Variants in SLC6A15 observed in about 807,000 individuals in gnomAD.
The protein encoded by SLC6A15 is sodium-dependent neutral amino acid transporter B(0)AT2.
SLC6A15 carries 33 observed loss-of-function variants against 68.5 expected under a neutral mutation model. That is an observed-to-expected ratio of 0.48 (90% CI 0.37 to 0.64). The LOEUF (loss-of-function observed/expected upper bound fraction) is 0.64, where lower values mean the gene tolerates loss of function less well. SLC6A15 is among the 30% of genes least tolerant of loss of function. The pLI, the probability that SLC6A15 is intolerant of heterozygous loss-of-function variation, is 0.00. For synonymous variants in SLC6A15, 347 were observed against 301.0 expected, an observed-to-expected ratio of 1.15 and a Z score of -1.58; for missense variants, 747 against 874.3, an observed-to-expected ratio of 0.85 and a Z score of 1.84.
At chr12:84,907,860 C>CA (rs1873240736) in intron 1 of SLC6A15, among the ~76,000 whole-genome samples, 1 of 152,114 alleles carries the variant, frequency 6.6e-6, no homozygotes, top group African/African-American at 2.4e-5. Flanking sequence ...TACTATTTAG[C>CA]AAAAACTACC....
intron 5 of SLC6A15, chr12:84,882,490 T>G: frequency 2.2e-6 from 2 of 922,772 alleles, no homozygotes; most frequent in Non-Finnish European, 2.6e-6. Flanking sequence ...ATTTACAAGT[T>G]AAAAAGTCAC....
rs146589974 is a variant in SLC6A15 at position 84,861,739 on chromosome 12, G to A, written c.2086C>T (p.Arg696Ter). The A allele has an allele frequency of 2.1e-5, 34 of 1,613,818 alleles. No homozygotes were observed. The highest frequency in any genetic ancestry group is 8.8e-5 in the South Asian group (8 of 91,066). The change falls in exon 12 of 12, where the codon CGA (arginine) becomes TGA (stop). Residue 696 changes from arginine (R) to a stop codon, truncating the protein, a stop_gained. Transcript: ENST00000266682. LOFTEE classifies it high-confidence loss of function. ...PSPNFGKNIY[R>*]KQSGSPTLDT... ...AGAGTTGGGGATCCACTCTGTTTTC[G>A]ATAAATATTTTTACCAAAATTTGGA...
In SLC6A15 at chr12:84,861,847, C is replaced by G; in HGVS notation, c.1978G>C (p.Gly660Arg). The G allele has an allele frequency of 3.1e-6, 5 of 1,613,896 alleles. No individual in the cohort carries two copies. Among genetic ancestry groups the G allele is most frequent in the Non-Finnish European group, 4.2e-6 (5 of 1,179,926 alleles). Reference protein sequence around the residue: ...GNLASVTYKRGRVLKEPVNLE... With the variant: ...GNLASVTYKRRRVLKEPVNLE... ...TTCACAGGCTCTTTCAGGACCCTTC[C>G]TCTCTTATAGGTCACAGATGCTAAA... Residue 660 changes from glycine (G) to arginine (R), a missense_variant, in exon 12 of 12, where the codon GGA (glycine) becomes CGA (arginine). Coordinates refer to ENST00000266682, the MANE Select transcript of SLC6A15 (RefSeq NM_182767.6).
At position 84,877,084 on chromosome 12, in the gene SLC6A15, C is replaced by G. The variant is rs996054824; in HGVS notation, c.757-477G>C. Reference sequence around the variant, plus strand: ...ATCTTCCAGAACCCAAACAATCAAACGTGTAAAGATTTTACTTTCCGCTTC... The same window carrying G: ...ATCTTCCAGAACCCAAACAATCAAAGGTGTAAAGATTTTACTTTCCGCTTC... On this transcript the variant is annotated intron_variant, in intron 5 of 11. Transcript: ENST00000266682. 2.0e-5 allele frequency among the ~76,000 whole-genome samples: 3 copies of G among 152,178 alleles called. No homozygotes were observed. In the East Asian group the frequency reaches 5.8e-4, roughly 29 times the overall value.
chr12:84,907,850 T>G (rs1873239566), intron 1 of SLC6A15, among the ~76,000 whole-genome samples: 1 of 152,216 alleles, frequency 6.6e-6, no homozygotes, highest in Non-Finnish European at 1.5e-5. Context: ...TACCATTAAC[T>G]ACTATTTAGC....
intron 9 of SLC6A15, among the ~76,000 whole-genome samples, chr12:84,870,258 T>C (rs998876001): frequency 2.7e-5 from 4 of 150,020 alleles, no homozygotes; most frequent in Non-Finnish European, 5.9e-5. Context: ...TGATAAAATA[T>C]AATTTATATT....
intron 1 of SLC6A15, among the ~76,000 whole-genome samples, chr12:84,911,189 AG>A (rs1193437459): frequency 1.3e-5 from 2 of 152,156 alleles, no homozygotes; most frequent in Non-Finnish European, 2.9e-5. Context: ...CTGGCACAGC[AG>A]AAAAGCAATC....
chr12:84,891,469 A>G (rs1872388975), intron 2 of SLC6A15, among the ~76,000 whole-genome samples: 1 of 152,222 alleles, frequency 6.6e-6, no homozygotes, highest in Non-Finnish European at 1.5e-5. Flanking sequence ...GTTTTCCTTC[A>G]CCAGTATTGT....
At chr12:84,875,216 A>AT (rs1871464876) in intron 6 of SLC6A15, among the ~76,000 whole-genome samples, 1 of 152,164 alleles carries the variant, frequency 6.6e-6, no homozygotes, top group African/African-American at 2.4e-5. Context: ...TTATACATAT[A>AT]AGTATTTTTG....
At chr12:84,906,183 C>T (rs1873143285) in intron 1 of SLC6A15, among the ~76,000 whole-genome samples, 1 of 152,050 alleles carries the variant, frequency 6.6e-6, no homozygotes, top group Non-Finnish European at 1.5e-5. Context: ...ATTAAAAATG[C>T]AATAGCATTT....
intron 5 of SLC6A15, among the ~76,000 whole-genome samples, chr12:84,880,462 A>G (rs1370447797): frequency 6.6e-6 from 1 of 152,176 alleles, no homozygotes; most frequent in Non-Finnish European, 1.5e-5. Context: ...GTTATTTTAT[A>G]AATTTGTTTA....
intron 1 of SLC6A15, among the ~76,000 whole-genome samples, chr12:84,895,419 G>A (rs988444126): frequency 3.2e-5 from 4 of 126,076 alleles, no homozygotes; most frequent in African/African-American, 1.3e-4. Flanking sequence ...GCATGATCTC[G>A]GCTCACCACA....
chr12:84,888,314 T>C (rs1454769682), intron 2 of SLC6A15, among the ~76,000 whole-genome samples: 1 of 149,580 alleles, frequency 6.7e-6, no homozygotes, highest in Non-Finnish European at 1.5e-5. Flanking sequence ...CTTACATGCA[T>C]ATGTTTACAG....
In SLC6A15 at chr12:84,895,339, ATTTTTT is replaced by A. The variant is rs67339994; in HGVS notation, c.-188-3037_-188-3032del. Among the ~76,000 whole-genome samples, 26 of 54,778 alleles carry A rather than the reference ATTTTTT, an allele frequency of 4.7e-4. 1 individual carries two copies. The highest frequency in any genetic ancestry group is 1.5e-3 in the African/African-American group (22 of 14,838). The allele number at this position is 54,778 out of a possible 152,430, so 35.9% of individuals were successfully genotyped here. ...CTTAGATGTTTTCATTTTTGTTTGT[ATTTTTT>A]TTTTTTTTTTTTTTTTTTTTTTGAG... On this transcript the variant is annotated intron_variant, in intron 1 of 11. Transcript: ENST00000266682.
In SLC6A15 at chr12:84,892,210, T is replaced by C; in HGVS notation, c.-90A>G. 8.0e-7 allele frequency: 1 copy of C among 1,246,068 alleles called. No individual in the cohort carries two copies. The highest frequency in any genetic ancestry group is 1.5e-5 in the South Asian group (1 of 65,382). 77.2% of individuals were successfully genotyped at this position (1,246,068 alleles called of 1,614,324 possible). ...TATTTTTCAAAACAATGTTACTTGA[T>C]AGGAAGTAAAGACCGAGGATGATAT... On this transcript the variant is annotated 5_prime_UTR_variant, in exon 2 of 12. Transcript: ENST00000266682.
chr12:84,895,382 C>T (rs1254096284), intron 1 of SLC6A15, among the ~76,000 whole-genome samples: 1 of 106,940 alleles, frequency 9.4e-6, no homozygotes, highest in Non-Finnish European at 1.7e-5. Context: ...TGGAGTCTCA[C>T]TCTGTCCCCC....
At chr12:84,883,678 TTTTA>T (rs1275896539) in intron 5 of SLC6A15, 177 bp downstream of exon 5, 27 of 1,523,898 alleles carry the variant, frequency 1.8e-5, no homozygotes, top group Non-Finnish European at 1.9e-5. Flanking sequence ...AAAACACTGT[TTTTA>T]TTTGTCTTTT....
chr12:84,883,784 T>G, intron 5 of SLC6A15, 75 bp downstream of exon 5: 1 of 1,613,810 alleles, frequency 6.2e-7, no homozygotes, highest in South Asian at 1.1e-5. Flanking sequence ...CACAGAAATC[T>G]GTAACAGAAT....
intron 2 of SLC6A15, among the ~76,000 whole-genome samples, chr12:84,889,495 G>C (rs368264958): frequency 1.4e-4 from 17 of 120,124 alleles, no homozygotes; most frequent in African/African-American, 5.6e-4. Flanking sequence ...CTCGGTCTCA[G>C]AAAAAAATAA....
Sources: gnomAD v4.1 joint callset for allele counts (sites outside exome capture counted in the v4.1 genomes callset) on GRCh38, gnomAD v4.1.1 for gene constraint, MANE v1.5 for transcripts, NCBI Gene and HGNC (gene_info 2026-07-23, HGNC 2026-07-21) for gene names.